The following DHCR24 variants were observed in gnomAD, a reference collection of about 807,000 sequenced individuals.
DHCR24 encodes the protein delta(24)-sterol reductase.
Under a neutral mutation model 61.2 loss-of-function variants are expected in DHCR24, and 28 were observed. That is an observed-to-expected ratio of 0.46 (90% CI 0.34 to 0.63). The LOEUF (loss-of-function observed/expected upper bound fraction) is 0.63, where lower values mean the gene tolerates loss of function less well. Among genes scored for constraint, DHCR24 ranks in the 20% least tolerant of loss-of-function variants. DHCR24 has a pLI of 0.01. For synonymous variants in DHCR24, 261 were observed against 275.9 expected (o/e 0.95, Z 0.54); for missense variants, 538 against 679.1 (o/e 0.79, Z 2.31).
Position 54,852,273 on chromosome 1 carries a change from G to A in DHCR24, c.1511C>T (p.Pro504Leu). 6.2e-7 allele frequency: 1 copy of A among 1,614,244 alleles called. No homozygotes were observed. Among genetic ancestry groups the A allele is most frequent in the Non-Finnish European group, 8.5e-7 (1 of 1,180,052 alleles). ...CTTGCAGATCTTGTCGTACACCTCG[G>A]GGAAGGCGTCCTGGCAACCCAGCTT... ...REKLGCQDAF[P>L]EVYDKICKAA... The change falls in exon 9 of 9, where the codon CCC (proline) becomes CTC (leucine). Residue 504 changes from proline (P) to leucine (L), a missense_variant. Physicochemically the swap from Pro to Leu is moderately conservative, Grantham distance 98. Transcript: ENST00000371269.
intron 2 of DHCR24, among the ~76,000 whole-genome samples, chr1:54,876,591 T>G (rs1050668450): frequency 1.3e-5 from 2 of 151,674 alleles, no homozygotes; most frequent in Non-Finnish European, 2.9e-5. Context: ...GAGGTGGAGG[T>G]TGCAGTGAGC....
At chr1:54,852,552 C>CTT (rs916910050) in intron 8 of DHCR24, among the ~76,000 whole-genome samples, 166 bp from the exon 9 acceptor site, 1 of 152,174 alleles carries the variant, frequency 6.6e-6, no homozygotes, top group African/African-American at 2.4e-5. Context: ...TCTTATCCCC[C>CTT]TTTTGCAGGT....
chr1:54,857,616 A>G (rs1344763148), intron 6 of DHCR24, among the ~76,000 whole-genome samples: 3 of 152,248 alleles, frequency 2.0e-5, no homozygotes, highest in Non-Finnish European at 1.5e-5. Flanking sequence ...ATACATATAC[A>G]TGAGGAGTTA....
At chr1:54,884,391 A>G (rs1302746082) in intron 1 of DHCR24, among the ~76,000 whole-genome samples, 1 of 152,184 alleles carries the variant, frequency 6.6e-6, no homozygotes, top group African/African-American at 2.4e-5. Flanking sequence ...AAACATTTGT[A>G]TATGTTAACT....
chr1:54,880,346 C>A (rs1479403866), intron 2 of DHCR24, among the ~76,000 whole-genome samples: 1 of 152,186 alleles, frequency 6.6e-6, no homozygotes, highest in Non-Finnish European at 1.5e-5. Context: ...TTAAAAACTT[C>A]CTTACAAAGA....
Position 54,852,098 on chromosome 1 carries a change from G to T in DHCR24, c.*135C>A. 9.9e-7 allele frequency: 1 copy of T among 1,012,966 alleles called. No individual in the cohort carries two copies. Among genetic ancestry groups the T allele is most frequent in the Non-Finnish European group, 1.5e-6 (1 of 688,278 alleles). 62.7% of individuals were successfully genotyped at this position (1,012,966 alleles called of 1,614,324 possible). ...GCCCCCTGGAAGCCAGGAGGAAGGTGGTGTTGGGCTGTCAGGGTGGGAGTT... is the reference window on the plus strand; with the variant it reads ...GCCCCCTGGAAGCCAGGAGGAAGGTTGTGTTGGGCTGTCAGGGTGGGAGTT... On this transcript the variant is annotated 3_prime_UTR_variant, in exon 9 of 9. Coordinates refer to ENST00000371269, the MANE Select transcript of DHCR24 (RefSeq NM_014762.4).
chr1:54,859,995 A>G (rs1646926960), intron 6 of DHCR24, among the ~76,000 whole-genome samples: 1 of 152,194 alleles, frequency 6.6e-6, no homozygotes, highest in African/African-American at 2.4e-5. Context: ...GTGGGCCTTG[A>G]CATTGCCCAA....
intron 5 of DHCR24, among the ~76,000 whole-genome samples, chr1:54,865,926 CCA>C (rs1646965971): frequency 6.6e-6 from 1 of 152,202 alleles, no homozygotes; most frequent in Admixed American, 6.5e-5. Context: ...GGACCAAGCT[CCA>C]CAGTCCTCCG....
chr1:54,853,507 C>G lies in DHCR24; in HGVS notation c.1324G>C (p.Glu442Gln). 1 of 1,614,192 alleles carries G rather than the reference C, an allele frequency of 6.2e-7. No individual in the cohort carries two copies. The highest frequency in any genetic ancestry group is 8.5e-7 in the Non-Finnish European group (1 of 1,180,036). Residue 442 changes from glutamate (E) to glutamine (Q), a missense_variant, in exon 8 of 9, where the codon GAG (glutamate) becomes CAG (glutamine). Physicochemically the swap from Glu to Gln is conservative, Grantham distance 29. Transcript: ENST00000371269. ...GCTTCAAAGTGTTTCACACGCGGCT[C>G]CCCATATGCTCCAATGTCGATGTAG... is the stretch of plus-strand genomic sequence containing the variant. ...ELYIDIGAYG[E>Q]PRVKHFEARS...
intron 2 of DHCR24, among the ~76,000 whole-genome samples, chr1:54,881,738 C>T (rs962830506): frequency 1.3e-5 from 2 of 152,160 alleles, no homozygotes; most frequent in African/African-American, 4.8e-5. Context: ...ATGGAATCAA[C>T]TTAAATGCCC....
In DHCR24 at chr1:54,861,170, G is replaced by A. The variant is rs996648605; in HGVS notation, c.1020+4133C>T. On this transcript the variant is annotated intron_variant, in intron 6 of 8. Transcript: ENST00000371269. ...GAGGAGGGGACAGAAATTACTACCCGTGGGGATCCAGTGTGGGAGCGGAAG... is the reference window on the plus strand; with the variant it reads ...GAGGAGGGGACAGAAATTACTACCCATGGGGATCCAGTGTGGGAGCGGAAG... Among the ~76,000 whole-genome samples the A allele has an allele frequency of 5.9e-5, 9 of 152,200 alleles. No individual in the cohort carries two copies. In the South Asian group the frequency reaches 6.2e-4, roughly 11 times the overall value.
rs558278303 is a variant in DHCR24 at position 54,851,785 on chromosome 1, C to T, written c.*448G>A. On this transcript the variant is annotated 3_prime_UTR_variant, in exon 9 of 9. Coordinates refer to ENST00000371269, the MANE Select transcript of DHCR24 (RefSeq NM_014762.4). ...CTTCATCATTCCAGCCATGGCTGTG[C>T]ACAGGTGACCTAATGTGGAGCCTTT... is the stretch of plus-strand genomic sequence containing the variant. 1.0e-5 allele frequency: 2 copies of T among 198,004 alleles called. No individual in the cohort carries two copies. Among genetic ancestry groups the T allele is most frequent in the African/African-American group, 4.7e-5 (2 of 42,782 alleles). 12.3% of individuals were successfully genotyped at this position (198,004 alleles called of 1,614,324 possible).
intron 6 of DHCR24, among the ~76,000 whole-genome samples, chr1:54,862,176 T>C (rs1045494454): frequency 2.0e-5 from 3 of 150,964 alleles, no homozygotes; most frequent in African/African-American, 7.4e-5. Context: ...ATGACTGCCA[T>C]CTCTCCCATC....
At chr1:54,869,779 C>A (rs1044784984) in intron 5 of DHCR24, among the ~76,000 whole-genome samples, 14 of 152,102 alleles carry the variant, frequency 9.2e-5, no homozygotes, top group Non-Finnish European at 1.6e-4. Flanking sequence ...AGGCCGGGCA[C>A]AGTGGCTCGC....
In DHCR24 at chr1:54,883,484, G is replaced by C; in HGVS notation, c.387+134C>G. ...GGCTTGAGGACAGCAATGGCAGGGA[G>C]TATCTTCTATGACTGTGGGCATTGG... On this transcript the variant is annotated intron_variant, in intron 2 of 8. Transcript: ENST00000371269. The surrounding 1 kb of genome is among the most constrained non-coding windows in gnomAD (Gnocchi z 4.3). 8.9e-7 allele frequency: 1 copy of C among 1,118,162 alleles called. No individual in the cohort carries two copies. The highest frequency in any genetic ancestry group is 1.4e-6 in the Non-Finnish European group (1 of 736,476). The allele number at this position is 1,118,162 out of a possible 1,614,324, so 69.3% of individuals were successfully genotyped here.
chr1:54,875,843 T>A, intron 3 of DHCR24, 99 bp downstream of exon 3: 1 of 912,066 alleles, frequency 1.1e-6, no homozygotes, highest in South Asian at 1.3e-5. Flanking sequence ...ACAGATGGAA[T>A]AGCGGCAATT....
chr1:54,876,122 G>A, intron 2 of DHCR24, 75 bp from the exon 3 acceptor site: 1 of 1,173,844 alleles, frequency 8.5e-7, no homozygotes, highest in Non-Finnish European at 1.3e-6. Flanking sequence ...CACACAGAAG[G>A]TGTCATCTCA....
At chr1:54,881,000 A>C (rs1030351252) in intron 2 of DHCR24, among the ~76,000 whole-genome samples, 3 of 152,094 alleles carry the variant, frequency 2.0e-5, no homozygotes, top group Non-Finnish European at 4.4e-5. Context: ...AATACAAAAA[A>C]TTAGCTGGGT....
At chr1:54,872,679 A>G (rs1333945539) in intron 4 of DHCR24, among the ~76,000 whole-genome samples, 2 of 152,112 alleles carry the variant, frequency 1.3e-5, no homozygotes, top group African/African-American at 4.8e-5. Context: ...TACAGGACCT[A>G]CTTATTCCTC....
Sources: gnomAD v4.1 joint callset for allele counts (sites outside exome capture counted in the v4.1 genomes callset) on GRCh38, gnomAD v4.1.1 for gene constraint, Gnocchi (gnomAD v3.1) non-coding constraint, MANE v1.5 for transcripts, NCBI Gene and HGNC (gene_info 2026-07-23, HGNC 2026-07-21) for gene names.